The following RIMS1 variants were observed in gnomAD, a reference collection of about 807,000 sequenced individuals.
RIMS1 encodes the protein regulating synaptic membrane exocytosis 1.
RIMS1 carries 83 observed loss-of-function variants against 214.1 expected under a neutral mutation model. The observed-to-expected ratio is 0.39, with a 90% CI of 0.32 to 0.47. RIMS1 has a LOEUF of 0.47. Among genes scored for constraint, RIMS1 ranks in the 20% least tolerant of loss-of-function variants. RIMS1 has a pLI of 0.99. For synonymous variants in RIMS1, 793 were observed against 786.8 expected, an observed-to-expected ratio of 1.01 and a Z score of -0.13; for missense variants, 2,050 against 2,161.8, an observed-to-expected ratio of 0.95 and a Z score of 1.03.
At chr6:72,092,291 C>CCCTT (rs1554220983) in intron 2 of RIMS1, among the ~76,000 whole-genome samples, 2,387 of 107,984 alleles carry the variant, frequency 0.022, 49 homozygotes, top group African/African-American at 0.049. Flanking sequence ...CTCCCTCCCT[C>CCCTT]CCTTCCTTCC....
rs533727216 is a variant in RIMS1 at position 72,310,413 on chromosome 6, A to G, written c.3963+3043A>G. 5.1e-3 allele frequency among the ~76,000 whole-genome samples: 772 copies of G among 150,888 alleles called. 9 individuals are homozygous for G. The highest frequency in any genetic ancestry group is 0.018 in the African/African-American group (724 of 41,154). On this transcript the variant is annotated intron_variant, in intron 27 of 33. Transcript: ENST00000521978. ...TGTGTCACCATTCTATTTTTTTTTT[A>G]TTGGTGGTATACAGAGTGGCATACC... is the stretch of plus-strand genomic sequence containing the variant.
intron 4 of RIMS1, among the ~76,000 whole-genome samples, chr6:72,111,520 T>C (rs1472399720): frequency 1.3e-5 from 2 of 152,210 alleles, no homozygotes; most frequent in Non-Finnish European, 2.9e-5. Context: ...CTGTATAATA[T>C]GGCTGTCTCT....
chr6:72,121,514 C>A (rs1254208532), intron 4 of RIMS1, among the ~76,000 whole-genome samples: 1 of 151,944 alleles, frequency 6.6e-6, no homozygotes, highest in Non-Finnish European at 1.5e-5. Flanking sequence ...CATCCTGAGA[C>A]TTTTCTGAAG....
chr6:72,216,866 A>G, intron 6 of RIMS1: 1 of 1,037,750 alleles, frequency 9.6e-7, no homozygotes, highest in African/African-American at 1.7e-5. Flanking sequence ...AAAGAGCTTT[A>G]GTGTATGCTA....
At chr6:72,036,946 G>A (rs765193945) in intron 2 of RIMS1, among the ~76,000 whole-genome samples, 32 of 152,200 alleles carry the variant, frequency 2.1e-4, no homozygotes, top group Middle Eastern at 3.4e-3. Flanking sequence ...GAACTTTCTC[G>A]TAGCAACCAG....
At chr6:72,171,501 C>T (rs2047030018) in intron 4 of RIMS1, among the ~76,000 whole-genome samples, 1 of 151,954 alleles carries the variant, frequency 6.6e-6, no homozygotes, top group African/African-American at 2.4e-5. Flanking sequence ...CATTATAATG[C>T]TGATAATGCT....
intron 29 of RIMS1, among the ~76,000 whole-genome samples, chr6:72,353,964 A>T (rs1344840520): frequency 3.9e-5 from 6 of 152,038 alleles, no homozygotes; most frequent in Non-Finnish European, 8.8e-5. Context: ...TCACACCTGT[A>T]ATCCCAGCAA....
intron 3 of RIMS1, 101 bp from the exon 4 acceptor site, chr6:72,099,874 A>G (rs2033098860): frequency 2.3e-6 from 2 of 866,230 alleles, no homozygotes; most frequent in African/African-American, 3.3e-5. Flanking sequence ...AGAAACACAT[A>G]ATTGTTTTCT....
intron 1 of RIMS1, among the ~76,000 whole-genome samples, chr6:71,924,450 A>G (rs1238848374): frequency 6.6e-6 from 1 of 152,072 alleles, no homozygotes; most frequent in Non-Finnish European, 1.5e-5. Context: ...ACAAGTCAAT[A>G]AAGATTTGTT....
At chr6:72,084,367 T>G (rs2153780556) in intron 2 of RIMS1, among the ~76,000 whole-genome samples, 3 of 152,350 alleles carry the variant, frequency 2.0e-5, no homozygotes, top group Middle Eastern at 6.8e-3. Context: ...TCTCATAATT[T>G]TACTTGATTT....
intron 2 of RIMS1, among the ~76,000 whole-genome samples, chr6:72,046,779 T>A (rs576554251): frequency 2.0e-5 from 3 of 152,112 alleles, no homozygotes; most frequent in African/African-American, 7.2e-5. Context: ...AGCCAATAGA[T>A]CATATAAAAT....
At chr6:72,290,903 C>A (rs199903521) in intron 25 of RIMS1, 42 bp downstream of exon 25, 14 of 1,590,522 alleles carry the variant, frequency 8.8e-6, no homozygotes, top group Middle Eastern at 2.3e-4. Flanking sequence ...GTCCTGCCTC[C>A]GGGTGTTGGT....
chr6:72,149,614 A>G (rs76602261), intron 4 of RIMS1, among the ~76,000 whole-genome samples: 1,866 of 152,334 alleles, frequency 0.012, 12 homozygotes, highest in Non-Finnish European at 0.017. Flanking sequence ...TTGGAGGTAC[A>G]GTGCTTATCT....
At chr6:71,928,961 T>C (rs150294384) in intron 1 of RIMS1, among the ~76,000 whole-genome samples, 1 of 152,276 alleles carries the variant, frequency 6.6e-6, no homozygotes, top group African/African-American at 2.4e-5. Context: ...TAATGTGTCA[T>C]CAGGAATTTA....
At chr6:71,981,446 T>C (rs1798454054) in intron 2 of RIMS1, among the ~76,000 whole-genome samples, 2 of 152,264 alleles carry the variant, frequency 1.3e-5, no homozygotes, top group Non-Finnish European at 2.9e-5. Flanking sequence ...CTAGTGGGGT[T>C]AGAAGACAAG....
At chr6:72,246,522 C>G (rs2069817597) in intron 11 of RIMS1, among the ~76,000 whole-genome samples, 1 of 152,086 alleles carries the variant, frequency 6.6e-6, no homozygotes, top group South Asian at 2.1e-4. Context: ...AATACTTGGG[C>G]TTGATTCCCC....
chr6:72,112,212 A>G (rs2036237267), intron 4 of RIMS1, among the ~76,000 whole-genome samples: 1 of 151,952 alleles, frequency 6.6e-6, no homozygotes, highest in Non-Finnish European at 1.5e-5. Context: ...TATATCCACA[A>G]TGCAACCTCT....
intron 28 of RIMS1, among the ~76,000 whole-genome samples, chr6:72,323,538 T>C (rs913644304): frequency 3.3e-5 from 5 of 149,288 alleles, no homozygotes; most frequent in Non-Finnish European, 7.5e-5. Context: ...AGTATAGGAG[T>C]TGATGTACAG....
intron 24 of RIMS1, 110 bp from the exon 25 acceptor site, chr6:72,290,569 T>C: frequency 2.3e-6 from 2 of 877,664 alleles, no homozygotes; most frequent in Non-Finnish European, 3.4e-6. Context: ...TTCTCTTCTT[T>C]GAAATTACTG....
Sources: allele counts gnomAD v4.1 joint callset (sites outside exome capture counted in the v4.1 genomes callset), GRCh38; gene constraint gnomAD v4.1.1; transcripts MANE v1.5; gene names NCBI Gene and HGNC (gene_info 2026-07-23, HGNC 2026-07-21).